LANCL2: variants seen among roughly 807,000 people sequenced by gnomAD.
LANCL2 encodes LanC like glutathione S-transferase 2.
In LANCL2, 33 loss-of-function variants were observed where a neutral mutation model predicts 56.9. That is an observed-to-expected ratio of 0.58 (90% CI 0.44 to 0.78). The LOEUF (loss-of-function observed/expected upper bound fraction) is 0.78, where lower values mean the gene tolerates loss of function less well. Ranked by LOEUF, LANCL2 falls within the 30% of genes least tolerant of loss-of-function variation. The pLI, the probability that LANCL2 is intolerant of heterozygous loss-of-function variation, is 0.00. For synonymous variants in LANCL2, 233 were observed against 228.2 expected, an observed-to-expected ratio of 1.02 and a Z score of -0.19; for missense variants, 562 against 580.2, an observed-to-expected ratio of 0.97 and a Z score of 0.32.
intron 7 of LANCL2, 29 bp from the exon 8 acceptor site, chr7:55,428,346 G>C: frequency 6.3e-7 from 1 of 1,599,550 alleles, no homozygotes; most frequent in Non-Finnish European, 8.6e-7. Context: ...AGAAACTCCA[G>C]TCTTAAAAAG....
In LANCL2 at chr7:55,380,035, C is replaced by A. The variant is rs116799647; in HGVS notation, c.205-11758C>A. On this transcript the variant is annotated intron_variant, in intron 1 of 8. Coordinates refer to ENST00000254770, the MANE Select transcript of LANCL2 (RefSeq NM_018697.4). Reference sequence around the variant, plus strand: ...GCTATAAGGGAAGGTATTTTACCACCATGGTTGAGTAGGAATTATCGTAAT... The same window carrying A: ...GCTATAAGGGAAGGTATTTTACCACAATGGTTGAGTAGGAATTATCGTAAT... Among the ~76,000 whole-genome samples, 490 of 152,284 alleles carry A rather than the reference C, an allele frequency of 3.2e-3. 2 individuals carry two copies. Among genetic ancestry groups the A allele is most frequent in the African/African-American group, 0.011 (477 of 41,558 alleles).
chr7:55,386,465 T>C (rs1228457012), intron 1 of LANCL2, among the ~76,000 whole-genome samples: 1 of 152,146 alleles, frequency 6.6e-6, no homozygotes, highest in African/African-American at 2.4e-5. Flanking sequence ...AACAAAGGCT[T>C]GCTGGGATTG....
intron 3 of LANCL2, among the ~76,000 whole-genome samples, chr7:55,399,570 T>C (rs1227416073): frequency 6.6e-6 from 1 of 152,214 alleles, no homozygotes; most frequent in Non-Finnish European, 1.5e-5. Context: ...CTTGAACTCC[T>C]GACCTCAGGT....
At chr7:55,403,576 T>G (rs1345667816) in intron 5 of LANCL2, among the ~76,000 whole-genome samples, 15 of 140,932 alleles carry the variant, frequency 1.1e-4, no homozygotes, top group South Asian at 4.7e-4. Context: ...GTTGTTTTTT[T>G]TTTTTTTTTT....
rs1453303301 is a variant in LANCL2 at position 55,431,624 on chromosome 7, C to G, written c.*304C>G. On this transcript the variant is annotated 3_prime_UTR_variant, in exon 9 of 9. Transcript: ENST00000254770. ...CCCTTCTATTCCTGAGGGCTCAGAG[C>G]TGACCATGCATGAATGTATGGCAGT... The G allele has an allele frequency of 7.9e-5, 24 of 303,958 alleles. No homozygotes were observed. The Admixed American group carries it at 1.1e-3, about 14-fold the overall frequency. 18.8% of individuals were successfully genotyped at this position (303,958 alleles called of 1,614,324 possible). A position where few individuals can be genotyped will look rare whatever the true frequency, so the allele number is the denominator to read the frequency against.
At chr7:55,383,957 C>T (rs1790096969) in intron 1 of LANCL2, among the ~76,000 whole-genome samples, 2 of 152,166 alleles carry the variant, frequency 1.3e-5, no homozygotes, top group Non-Finnish European at 2.9e-5. Context: ...GGTCAGATCT[C>T]TTTCACTGTC....
intron 8 of LANCL2, among the ~76,000 whole-genome samples, chr7:55,430,953 G>A (rs1197906228): frequency 3.9e-5 from 6 of 152,216 alleles, no homozygotes; most frequent in South Asian, 2.1e-4. Flanking sequence ...CTTCCATAGC[G>A]ATTCTGTGAT....
chr7:55,398,435 T>C lies in LANCL2; in HGVS notation c.335T>C (p.Leu112Ser), dbSNP rs1396561847. 6.2e-7 allele frequency: 1 copy of C among 1,613,894 alleles called. No homozygotes were observed. Among genetic ancestry groups the C allele is most frequent in the South Asian group, 1.1e-5 (1 of 91,078 alleles). ...AYTGWTGIAL[L>S]YLQLYRVTCD... is the part of the protein sequence containing the mutation. ...GAAATTATTCCAGGCATAGCCCTTT[T>C]GTACCTGCAGTTGTACCGGGTCACA... The change falls in exon 3 of 9, where the codon TTG becomes TCG. Residue 112 changes from leucine to serine, a missense_variant. Physicochemically the swap from Leu to Ser is moderately radical, Grantham distance 145. Coordinates refer to ENST00000254770, the MANE Select transcript of LANCL2 (RefSeq NM_018697.4).
chr7:55,405,103 C>T lies in LANCL2; in HGVS notation c.825+3783C>T, dbSNP rs115973864. Among the ~76,000 whole-genome samples, 538 of 152,292 alleles carry T rather than the reference C, an allele frequency of 3.5e-3. 6 individuals carry two copies. Among genetic ancestry groups the T allele is most frequent in the African/African-American group, 0.012 (510 of 41,560 alleles). On this transcript the variant is annotated intron_variant, in intron 5 of 8. Coordinates refer to ENST00000254770, the MANE Select transcript of LANCL2 (RefSeq NM_018697.4). ...ACGCAACCATGGAGTCCCAGAAGCC[C>T]CATCATCTGTCATCTACAGTCCTAA...
intron 1 of LANCL2, among the ~76,000 whole-genome samples, chr7:55,385,270 A>C (rs960105494): frequency 1.3e-5 from 2 of 152,158 alleles, no homozygotes; most frequent in Middle Eastern, 3.2e-3. Flanking sequence ...GTGGGGGTGC[A>C]AGAATTTACC....
intron 6 of LANCL2, among the ~76,000 whole-genome samples, chr7:55,423,331 C>T (rs181669772): frequency 2.0e-4 from 31 of 152,290 alleles, no homozygotes; most frequent in African/African-American, 6.5e-4. Flanking sequence ...GGCGCAGGGA[C>T]GGCATGAAGG....
chr7:55,366,755 A>G (rs1789878284), intron 1 of LANCL2, among the ~76,000 whole-genome samples: 1 of 152,244 alleles, frequency 6.6e-6, no homozygotes, highest in African/African-American at 2.4e-5. Flanking sequence ...TCAGAGCGTT[A>G]CATTGACATA....
At chr7:55,428,603 A>C (rs1322410103) in intron 8 of LANCL2, among the ~76,000 whole-genome samples, 156 bp downstream of exon 8, 1 of 152,044 alleles carries the variant, frequency 6.6e-6, no homozygotes, top group Non-Finnish European at 1.5e-5. Flanking sequence ...ATTATGTTGA[A>C]TCTCTTCACC....
chr7:55,390,123 G>A (rs1376265335), intron 1 of LANCL2, among the ~76,000 whole-genome samples: 1 of 152,136 alleles, frequency 6.6e-6, no homozygotes, highest in Non-Finnish European at 1.5e-5. Flanking sequence ...ACAATCTCAC[G>A]GAAGAACATT....
At chr7:55,426,940 G>A (rs777253259) in intron 7 of LANCL2, among the ~76,000 whole-genome samples, 11 of 152,174 alleles carry the variant, frequency 7.2e-5, no homozygotes, top group African/African-American at 1.9e-4. Context: ...AGACGCAGCC[G>A]GTTCTTTAAA....
intron 6 of LANCL2, among the ~76,000 whole-genome samples, chr7:55,422,567 T>C (rs1235126491): frequency 1.3e-5 from 2 of 152,252 alleles, no homozygotes; most frequent in African/African-American, 4.8e-5. Flanking sequence ...GACTGGCCAC[T>C]CTTTTCCTAC....
intron 5 of LANCL2, among the ~76,000 whole-genome samples, chr7:55,402,681 G>A (rs1299605325): frequency 6.4e-5 from 8 of 124,502 alleles, no homozygotes; most frequent in African/African-American, 2.5e-4. Flanking sequence ...CGGACGGGGC[G>A]GCTGGCCGGG....
chr7:55,405,804 T>A (rs186641079), intron 5 of LANCL2, among the ~76,000 whole-genome samples: 1 of 152,318 alleles, frequency 6.6e-6, no homozygotes, highest in African/African-American at 2.4e-5. Context: ...ATTGATCTGC[T>A]TTTAAAGTGA....
At chr7:55,413,882 A>T (rs922191967) in intron 6 of LANCL2, among the ~76,000 whole-genome samples, 1 of 152,254 alleles carries the variant, frequency 6.6e-6, no homozygotes, top group Non-Finnish European at 1.5e-5. Context: ...GGGGGTAGGA[A>T]GGCATCAGTG....
Sources: allele counts gnomAD v4.1 joint callset (sites outside exome capture counted in the v4.1 genomes callset), GRCh38; gene constraint gnomAD v4.1.1; transcripts MANE v1.5; gene names NCBI Gene and HGNC (gene_info 2026-07-23, HGNC 2026-07-21).